The following TASP1 variants were observed in gnomAD, a reference collection of about 807,000 sequenced individuals.
The protein encoded by TASP1 is threonine aspartase 1.
TASP1 carries 16 observed loss-of-function variants against 56.6 expected under a neutral mutation model. The ratio of observed to expected loss-of-function variants is 0.28; its 90% CI spans 0.19 to 0.43. The LOEUF is 0.43. Among genes scored for constraint, TASP1 ranks in the 20% least tolerant of loss-of-function variants. The pLI, the probability that TASP1 is intolerant of heterozygous loss-of-function variation, is 1.00. For missense variants in TASP1, 393 were observed against 511.6 expected (o/e 0.77, Z 2.24); for synonymous variants, 179 against 184.2 (o/e 0.97, Z 0.23).
At chr20:13,200,039 C>T in the TASP1 span, among the ~76,000 whole-genome samples, 1 of 152,286 alleles carries the variant, frequency 6.6e-6, no homozygotes, top group Middle Eastern at 3.4e-3. Context: ...ACAAGTTTCT[C>T]CTAATACACA....
intron 8 of TASP1, among the ~76,000 whole-genome samples, chr20:13,536,727 A>T (rs1355454022): frequency 6.6e-6 from 1 of 152,146 alleles, no homozygotes; most frequent in Non-Finnish European, 1.5e-5. Flanking sequence ...CATCAGTCCT[A>T]CCAGATAAGG....
chr20:13,628,081 G>A (rs879449516), intron 2 of TASP1, among the ~76,000 whole-genome samples: 3 of 152,170 alleles, frequency 2.0e-5, no homozygotes, highest in Non-Finnish European at 2.9e-5. Context: ...CCATTTGTTT[G>A]GAGTCAGTGT....
chr20:13,621,058 T>C (rs1459189025), intron 4 of TASP1, among the ~76,000 whole-genome samples: 1 of 152,344 alleles, frequency 6.6e-6, no homozygotes, highest in Non-Finnish European at 1.5e-5. Context: ...TATTAACATA[T>C]ATTTCATTCA....
chr20:13,168,991 GAGA>G, the TASP1 span: 21 of 146,418 alleles, frequency 1.4e-4, no homozygotes, highest in African/African-American at 5.0e-4. Flanking sequence ...TTGTGTGTGT[GAGA>G]AGGACAGAGA....
chr20:13,602,720 T>C (rs2048008614), intron 4 of TASP1, among the ~76,000 whole-genome samples: 1 of 152,082 alleles, frequency 6.6e-6, no homozygotes. Flanking sequence ...ATAGGGCTCC[T>C]GCTGCTATAA....
chr20:13,502,112 A>C (rs2043968553), intron 10 of TASP1, among the ~76,000 whole-genome samples: 2 of 151,896 alleles, frequency 1.3e-5, no homozygotes, highest in Non-Finnish European at 2.9e-5. Flanking sequence ...TAAATGAGCA[A>C]ATAAATAAAT....
At chr20:13,619,188 G>A (rs911788348) in intron 4 of TASP1, among the ~76,000 whole-genome samples, 1 of 152,068 alleles carries the variant, frequency 6.6e-6, no homozygotes, top group African/African-American at 2.4e-5. Context: ...ATGAGCCACC[G>A]TGCCCGGCCC....
At chr20:13,597,074 C>T (rs1601388472) in intron 4 of TASP1, among the ~76,000 whole-genome samples, 1 of 152,238 alleles carries the variant, frequency 6.6e-6, no homozygotes, top group African/African-American at 2.4e-5. Context: ...CCAGGACAGA[C>T]GGATTCACAG....
At chr20:13,488,390 C>T (rs1351006127) in intron 10 of TASP1, among the ~76,000 whole-genome samples, 2 of 152,022 alleles carry the variant, frequency 1.3e-5, no homozygotes, top group African/African-American at 4.8e-5. Context: ...ACAAAAGAAG[C>T]CGCAAGACTA....
chr20:13,262,786 G>A, the TASP1 span, among the ~76,000 whole-genome samples: 1 of 152,168 alleles, frequency 6.6e-6, no homozygotes, highest in African/African-American at 2.4e-5. Flanking sequence ...GATACACAGG[G>A]ATGGGTGGCC....
the TASP1 span, among the ~76,000 whole-genome samples, chr20:13,177,881 C>T: frequency 6.6e-6 from 1 of 152,020 alleles, no homozygotes; most frequent in East Asian, 1.9e-4. Flanking sequence ...TCCTCAAAAG[C>T]ACAGGCAACA....
chr20:13,389,546 T>C lies in TASP1; in HGVS notation c.*814A>G, dbSNP rs2041200090. Reference sequence around the variant, plus strand: ...TTTTCCCATAAACTTTGCTTTCTTATTTACAGTGTTATATTGTAAATAACT... The same window carrying C: ...TTTTCCCATAAACTTTGCTTTCTTACTTACAGTGTTATATTGTAAATAACT... On this transcript the variant is annotated 3_prime_UTR_variant, in exon 14 of 14. Coordinates refer to ENST00000337743, the MANE Select transcript of TASP1 (RefSeq NM_017714.3). The C allele has an allele frequency of 1.3e-5, 2 of 152,654 alleles. No individual in the cohort carries two copies. Among genetic ancestry groups the C allele is most frequent in the East Asian group, 3.8e-4 (2 of 5,204 alleles). 9.5% of individuals were successfully genotyped at this position (152,654 alleles called of 1,614,324 possible).
At chr20:13,378,023 C>T in the TASP1 span, among the ~76,000 whole-genome samples, 11 of 151,838 alleles carry the variant, frequency 7.2e-5, no homozygotes, top group South Asian at 6.3e-4. Flanking sequence ...TCAAATAACC[C>T]GCTCCTGGAT....
At chr20:13,370,667 GAC>G in the TASP1 span, among the ~76,000 whole-genome samples, 1 of 152,012 alleles carries the variant, frequency 6.6e-6, no homozygotes, top group African/African-American at 2.4e-5. Context: ...TTTATTTGAA[GAC>G]ACAGCCTTTA....
chr20:13,199,996 C>A, the TASP1 span, among the ~76,000 whole-genome samples: 3 of 152,188 alleles, frequency 2.0e-5, no homozygotes, highest in African/African-American at 7.2e-5. Context: ...ATGAAAGTTT[C>A]TCTGTTTAAA....
At chr20:13,298,029 T>A in the TASP1 span, among the ~76,000 whole-genome samples, 1 of 152,218 alleles carries the variant, frequency 6.6e-6, no homozygotes. Context: ...CTGAGTCCTA[T>A]AAATCTTCCT....
At chr20:13,522,291 T>C (rs1601109309) in intron 10 of TASP1, among the ~76,000 whole-genome samples, 1 of 151,882 alleles carries the variant, frequency 6.6e-6, no homozygotes, top group South Asian at 2.1e-4. Flanking sequence ...AGTTGCAGGG[T>C]TGCAAAACAA....
At chr20:13,509,460 T>C (rs2044249098) in intron 10 of TASP1, among the ~76,000 whole-genome samples, 2 of 152,124 alleles carry the variant, frequency 1.3e-5, no homozygotes, top group South Asian at 4.1e-4. Context: ...ATTGTAGAAC[T>C]GAACTTTGCT....
chr20:13,119,964 T>A, the TASP1 span, among the ~76,000 whole-genome samples: 59 of 152,352 alleles, frequency 3.9e-4, no homozygotes, highest in African/African-American at 1.4e-3. Context: ...GCCCATGATT[T>A]GATGGAACTT....
Sources: allele counts gnomAD v4.1 joint callset (sites outside exome capture counted in the v4.1 genomes callset), GRCh38; gene constraint gnomAD v4.1.1; transcripts MANE v1.5; gene names NCBI Gene and HGNC (gene_info 2026-07-23, HGNC 2026-07-21).